SLC38A4: variants seen among roughly 807,000 people sequenced by gnomAD.
SLC38A4 encodes solute carrier family 38 member 4.
SLC38A4 carries 20 observed loss-of-function variants against 63.1 expected under a neutral mutation model. The observed-to-expected ratio is 0.32, with a 90% CI of 0.22 to 0.46. The LOEUF is 0.46. Ranked by LOEUF, SLC38A4 falls within the 20% of genes least tolerant of loss-of-function variation. The pLI, the probability that SLC38A4 is intolerant of heterozygous loss-of-function variation, is 1.00. For missense variants in SLC38A4, 526 were observed against 663.6 expected (o/e 0.79, Z 2.28); for synonymous variants, 230 against 225.5 (o/e 1.02, Z -0.18).
At chr12:46,789,845 G>C (rs1314982246) in intron 3 of SLC38A4, among the ~76,000 whole-genome samples, 1 of 152,148 alleles carries the variant, frequency 6.6e-6, no homozygotes, top group Non-Finnish European at 1.5e-5. Context: ...GGGAGGCTGA[G>C]GTGGGTGGAT....
chr12:46,767,293 A>G (rs952801496), intron 16 of SLC38A4, among the ~76,000 whole-genome samples: 1 of 152,000 alleles, frequency 6.6e-6, no homozygotes, highest in African/African-American at 2.4e-5. Flanking sequence ...ATAAGGATAT[A>G]TGTACATACC....
At chr12:46,812,403 A>G (rs1939357462) in intron 1 of SLC38A4, among the ~76,000 whole-genome samples, 1 of 152,030 alleles carries the variant, frequency 6.6e-6, no homozygotes, top group Admixed American at 6.6e-5. Context: ...CTACATGAGA[A>G]GTCTTCTGAC....
chr12:46,773,376 C>A (rs1005055739), intron 14 of SLC38A4, among the ~76,000 whole-genome samples: 1 of 152,026 alleles, frequency 6.6e-6, no homozygotes, highest in Non-Finnish European at 1.5e-5. Context: ...GGAGCACTTA[C>A]ACAGATTATA....
rs144664016 is a variant in SLC38A4, at chr12:46,821,343, G to A, written c.-305+4560C>T. On this transcript the variant is annotated intron_variant, in intron 1 of 16. Transcript: ENST00000266579. ...TTTTTAGTTTTTTGTTGTTTATGAT[G>A]TAAGATAAAGGTCCAATTTCATTCT... is the stretch of plus-strand genomic sequence containing the variant. Among the ~76,000 whole-genome samples the A allele has an allele frequency of 2.8e-3, 424 of 152,148 alleles. 2 individuals are homozygous for A. The highest frequency in any genetic ancestry group is 1.0e-2 in the African/African-American group (415 of 41,532).
intron 1 of SLC38A4, among the ~76,000 whole-genome samples, chr12:46,811,870 T>C (rs1939345226): frequency 6.9e-6 from 1 of 144,236 alleles, no homozygotes; most frequent in African/African-American, 2.9e-5. Flanking sequence ...TGATGTAAAC[T>C]ATGTCAAAAA....
intron 1 of SLC38A4, among the ~76,000 whole-genome samples, chr12:46,831,809 G>A (rs754273232): frequency 1.3e-5 from 2 of 152,196 alleles, no homozygotes; most frequent in Non-Finnish European, 2.9e-5. Flanking sequence ...GCAGGATCCC[G>A]GGCGGTCGCG....
At chr12:46,783,227 TGATA>T (rs66798597) in intron 7 of SLC38A4, among the ~76,000 whole-genome samples, 25,287 of 143,612 alleles carry the variant, frequency 0.18, 2,379 homozygotes, top group African/African-American at 0.25. Flanking sequence ...AATTGATAGA[TGATA>T]GATAGATAGA....
chr12:46,793,148 T>C lies in SLC38A4; in HGVS notation c.-77A>G, dbSNP rs1938925864. 5.0e-6 allele frequency: 5 copies of C among 1,004,268 alleles called. No individual in the cohort carries two copies. The highest frequency in any genetic ancestry group is 7.8e-6 in the Non-Finnish European group (5 of 637,422). The allele number at this position is 1,004,268 out of a possible 1,614,324, so 62.2% of individuals were successfully genotyped here. On this transcript the variant is annotated 5_prime_UTR_variant, in exon 3 of 17. Transcript: ENST00000266579. ...ATATACTGTACCTTCAGCTTAAGGT[T>C]CTTCCACTTTGTGTTGATGTTCAGA...
In SLC38A4 at chr12:46,779,976, G is replaced by T; in HGVS notation, c.548C>A (p.Ala183Glu). 6.2e-7 allele frequency: 1 copy of T among 1,612,428 alleles called. No individual in the cohort carries two copies. Among genetic ancestry groups the T allele is most frequent in the Non-Finnish European group, 8.5e-7 (1 of 1,178,960 alleles). ...AGTATTTTCTTCAAGTCCCATGAAT[G>T]CTCTGATTACTTCAGGTAGTTCATA... ...IKYELPEVIR[A>E]FMGLEENTGE... The change falls in exon 8 of 17, where the codon GCA (alanine) becomes GAA (glutamate). Residue 183 changes from alanine to glutamate, a missense_variant. Ala to Glu is a moderately radical substitution (Grantham distance 107). Coordinates refer to ENST00000266579, the MANE Select transcript of SLC38A4 (RefSeq NM_018018.5).
intron 3 of SLC38A4, among the ~76,000 whole-genome samples, chr12:46,789,066 A>C (rs970861664): frequency 1.3e-5 from 2 of 152,100 alleles, no homozygotes; most frequent in African/African-American, 4.8e-5. Context: ...ATCTCATCTG[A>C]TGTTCAAAAT....
In SLC38A4 at chr12:46,766,570, T is replaced by G. The variant is rs1352363438; in HGVS notation, c.*131A>C. 1.3e-6 allele frequency: 1 copy of G among 741,338 alleles called. No individual in the cohort carries two copies. Among genetic ancestry groups the G allele is most frequent in the Non-Finnish European group, 2.4e-6 (1 of 418,016 alleles). 45.9% of individuals were successfully genotyped at this position (741,338 alleles called of 1,614,324 possible). A position where few individuals can be genotyped will look rare whatever the true frequency, so the allele number is the denominator to read the frequency against. Reference sequence around the variant, plus strand: ...CCTCTTCTGCAGGTGCCTGGTGATATTACTGGTAAACGTCTTTGGAATCTT... The same window carrying G: ...CCTCTTCTGCAGGTGCCTGGTGATAGTACTGGTAAACGTCTTTGGAATCTT... On this transcript the variant is annotated 3_prime_UTR_variant, in exon 17 of 17. Transcript: ENST00000266579.
chr12:46,830,838 G>A (rs1939721956), upstream of SLC38A4, among the ~76,000 whole-genome samples: 1 of 152,216 alleles, frequency 6.6e-6, no homozygotes. Flanking sequence ...AGGTAGAGAT[G>A]CAGCTTTTAC....
rs1264400480 is a variant in SLC38A4, at chr12:46,779,725, C to A, written c.658+55G>T. 5.7e-6 allele frequency: 9 copies of A among 1,584,712 alleles called. No individual in the cohort carries two copies. In the East Asian group the frequency reaches 2.0e-4, roughly 36 times the overall value. On this transcript the variant is annotated intron_variant, in intron 9 of 16. Coordinates refer to ENST00000266579, the MANE Select transcript of SLC38A4 (RefSeq NM_018018.5). ...GAATATGGCATCTACAATTAGCTAA[C>A]CTATTTAAATGTGAAATAAAAATAA...
At chr12:46,827,533 G>T (rs1168532200), upstream of SLC38A4, among the ~76,000 whole-genome samples, 2 of 152,138 alleles carry the variant, frequency 1.3e-5, no homozygotes, top group African/African-American at 2.4e-5. Context: ...GATAGCATTT[G>T]TTACTGTCAT....
At position 46,765,647 on chromosome 12, in the gene SLC38A4, T is replaced by G. The variant is rs563757850; in HGVS notation, c.*1054A>C. The G allele has an allele frequency of 5.5e-6, 1 of 182,022 alleles. No individual in the cohort carries two copies. Among genetic ancestry groups the G allele is most frequent in the South Asian group, 8.4e-5 (1 of 11,836 alleles). 11.3% of individuals were successfully genotyped at this position (182,022 alleles called of 1,614,324 possible). A position where few individuals can be genotyped will look rare whatever the true frequency, so the allele number is the denominator to read the frequency against. ...AATTCCCTGCCCCCACCCCCAATAA[T>G]ATAAATGCTTTGACTGTGAAGAAAG... On this transcript the variant is annotated 3_prime_UTR_variant, in exon 17 of 17. Coordinates refer to ENST00000266579, the MANE Select transcript of SLC38A4 (RefSeq NM_018018.5).
intron 1 of SLC38A4, among the ~76,000 whole-genome samples, chr12:46,823,554 G>A: frequency 6.6e-6 from 1 of 152,134 alleles, no homozygotes; most frequent in East Asian, 1.9e-4. Context: ...ATATTTTTCT[G>A]GTAACAGAAA....
rs1331759125 is a variant in SLC38A4 at position 46,779,918 on chromosome 12, C to T, written c.575+31G>A. Reference sequence around the variant, plus strand: ...AGAAAAGACCAAGTAGAATGAGTCACTTGATGTCACAGAGGGAGCATAAGA... The same window carrying T: ...AGAAAAGACCAAGTAGAATGAGTCATTTGATGTCACAGAGGGAGCATAAGA... On this transcript the variant is annotated intron_variant, in intron 8 of 16. Transcript: ENST00000266579. The T allele has an allele frequency of 2.1e-5, 33 of 1,609,540 alleles. No individual in the cohort carries two copies. The Admixed American group carries it at 2.5e-4, about 12-fold the overall frequency.
At chr12:46,774,694 TAATAAG>T (rs1339486969) in intron 14 of SLC38A4, among the ~76,000 whole-genome samples, 1 of 152,060 alleles carries the variant, frequency 6.6e-6, no homozygotes, top group Non-Finnish European at 1.5e-5. Flanking sequence ...TGATGAAATT[TAATAAG>T]ATTTGAAAGT....
chr12:46,809,938 T>C (rs1939306701), intron 1 of SLC38A4, among the ~76,000 whole-genome samples: 1 of 152,042 alleles, frequency 6.6e-6, no homozygotes, highest in South Asian at 2.1e-4. Flanking sequence ...ATATAAACAC[T>C]GAATGAATGA....
Sources: gnomAD v4.1 joint callset for allele counts (sites outside exome capture counted in the v4.1 genomes callset) on GRCh38, gnomAD v4.1.1 for gene constraint, MANE v1.5 for transcripts, NCBI Gene and HGNC (gene_info 2026-07-23, HGNC 2026-07-21) for gene names.